Variants in ACOT11 observed in about 807,000 individuals in gnomAD.
The protein encoded by ACOT11 is acyl-coenzyme A thioesterase 11.
ACOT11 carries 69 observed loss-of-function variants against 77.5 expected under a neutral mutation model. The observed-to-expected ratio is 0.89, with a 90% CI of 0.73 to 1.09. ACOT11 has a LOEUF of 1.09. Ranked by LOEUF, ACOT11 falls within the 50% of genes least tolerant of loss-of-function variation. The pLI is 0.00. For missense variants in ACOT11, 766 were observed against 813.7 expected (o/e 0.94, Z 0.71); for synonymous variants, 279 against 313.0 (o/e 0.89, Z 1.15).
At chr1:54,574,310 C>T (rs1347457665) in intron 1 of ACOT11, among the ~76,000 whole-genome samples, 1 of 152,210 alleles carries the variant, frequency 6.6e-6, no homozygotes, top group East Asian at 1.9e-4. Context: ...CAGGGTCAGA[C>T]TCTGCTCACA....
chr1:54,623,271 C>CACCT, intron 15 of ACOT11: 1 of 1,606,360 alleles, frequency 6.2e-7, no homozygotes, highest in Non-Finnish European at 8.5e-7. Flanking sequence ...TGGGGGGAGG[C>CACCT]ACCTACCTGG....
intron 1 of ACOT11, among the ~76,000 whole-genome samples, chr1:54,562,918 C>A (rs1653592004): frequency 7.0e-6 from 1 of 141,982 alleles, no homozygotes; most frequent in Non-Finnish European, 1.5e-5. Context: ...TCCTCACTTT[C>A]CAGAGTGGGC....
In ACOT11 at chr1:54,584,732, C is replaced by T. The variant is rs6663891; in HGVS notation, c.111C>T (p.Asp37=). The T allele has an allele frequency of 2.0e-3, 3,283 of 1,614,134 alleles. 38 individuals are homozygous for T. In the African/African-American group the frequency reaches 0.028, roughly 14 times the overall value. ...CGGGGAACGACAGTGCCATGGCAGA[C>T]GGCGAGGGATACCGGAACCCCACGG... is the stretch of plus-strand genomic sequence containing the variant. ...LRAGNDSAMA[D]GEGYRNPTEV... is the part of the protein sequence containing the mutation. The change falls in exon 2 of 16, where the codon GAC becomes GAT. Residue 37 remains aspartate, a synonymous_variant. Transcript: ENST00000343744. This position sits in a 1 kb window ranked among gnomAD's most constrained non-coding sequence, Gnocchi z 6.3.
At chr1:54,576,397 T>C (rs1044856670) in intron 1 of ACOT11, among the ~76,000 whole-genome samples, 1 of 147,242 alleles carries the variant, frequency 6.8e-6, no homozygotes. Context: ...CTCTGGAGGC[T>C]GAGGTGGGAG....
intron 8 of ACOT11, among the ~76,000 whole-genome samples, chr1:54,600,743 C>T (rs889511540): frequency 6.6e-6 from 1 of 152,188 alleles, no homozygotes; most frequent in Non-Finnish European, 1.5e-5. Context: ...AGCAACTGAG[C>T]TGTTTGAAGC....
intron 1 of ACOT11, among the ~76,000 whole-genome samples, chr1:54,549,001 C>T (rs1183184105): frequency 6.6e-6 from 1 of 152,130 alleles, no homozygotes; most frequent in African/African-American, 2.4e-5. Flanking sequence ...GACAGACTGG[C>T]AGAGGTTGTA....
In ACOT11 at chr1:54,609,709, C is replaced by A. The variant is rs1184091304; in HGVS notation, c.*597C>A. Reference sequence around the variant, plus strand: ...AGATTTTGGCCCCAACCCACACAGGCCAATGCAAGAGGCCAAGGCTGGAGA... The same window carrying A: ...AGATTTTGGCCCCAACCCACACAGGACAATGCAAGAGGCCAAGGCTGGAGA... On this transcript the variant is annotated 3_prime_UTR_variant, in exon 16 of 16. Coordinates refer to ENST00000343744, the MANE Select transcript of ACOT11 (RefSeq NM_147161.4). 5 of 1,613,968 alleles carry A rather than the reference C, an allele frequency of 3.1e-6. No individual in the cohort carries two copies. Among genetic ancestry groups the A allele is most frequent in the Non-Finnish European group, 4.2e-6 (5 of 1,180,012 alleles).
chr1:54,636,699 C>T (rs1644332592), exon 17 of ACOT11: 1 of 150,752 alleles, frequency 6.6e-6, no homozygotes, highest in Non-Finnish European at 1.5e-5. Context: ...CAGGTCTTTC[C>T]CTTCCCACGA....
chr1:54,603,103 G>A (rs1414374330), intron 10 of ACOT11, among the ~76,000 whole-genome samples: 1 of 152,210 alleles, frequency 6.6e-6, no homozygotes, highest in Non-Finnish European at 1.5e-5. Flanking sequence ...TTGGGAGGCC[G>A]AGGCAGGCAG....
intron 15 of ACOT11, chr1:54,616,005 C>T (rs1557671924): frequency 6.2e-7 from 1 of 1,612,668 alleles, no homozygotes; most frequent in Admixed American, 1.7e-5. Flanking sequence ...AGAGGGTTTC[C>T]AGAGAGGCCC....
chr1:54,552,830 G>GTT (rs199905803), intron 1 of ACOT11, among the ~76,000 whole-genome samples: 13 of 132,284 alleles, frequency 9.8e-5, no homozygotes, highest in African/African-American at 2.6e-4. Flanking sequence ...TTTTTGTTTT[G>GTT]TTTTTTTTTT....
At chr1:54,580,008 T>C (rs545810596) in intron 1 of ACOT11, among the ~76,000 whole-genome samples, 2 of 152,346 alleles carry the variant, frequency 1.3e-5, no homozygotes, top group Admixed American at 1.3e-4. Flanking sequence ...ACTCAATACA[T>C]GTTAGCCACA....
At position 54,597,550 on chromosome 1, in the gene ACOT11, G is replaced by T. The variant is rs183081533; in HGVS notation, c.764+135G>T. 8.4e-6 allele frequency: 10 copies of T among 1,186,340 alleles called. No homozygotes were observed. The East Asian group carries it at 1.3e-4, about 15-fold the overall frequency. The allele number at this position is 1,186,340 out of a possible 1,614,324, so 73.5% of individuals were successfully genotyped here. A position where few individuals can be genotyped will look rare whatever the true frequency, so the allele number is the denominator to read the frequency against. ...AGAAGCTTGGCTGTTCTGAATCAGAGAAATGAATTTTTGTGAACTGACCAT... is the reference window on the plus strand; with the variant it reads ...AGAAGCTTGGCTGTTCTGAATCAGATAAATGAATTTTTGTGAACTGACCAT... On this transcript the variant is annotated intron_variant, in intron 7 of 15. Transcript: ENST00000343744.
At chr1:54,599,218 ATAT>A (rs1643933955) in intron 7 of ACOT11, 75 bp from the exon 8 acceptor site, 1 of 93,164 alleles carries the variant, frequency 1.1e-5, no homozygotes, top group African/African-American at 7.9e-5. Flanking sequence ...ATATATATAT[ATAT>A]ATAAAAATCT....
chr1:54,610,365 C>T (rs2101013114), downstream of ACOT11: 1 of 1,599,440 alleles, frequency 6.3e-7, no homozygotes, highest in East Asian at 2.2e-5. Context: ...GCAAAGGACA[C>T]CCCTGCAGAT....
chr1:54,631,401 T>G (rs1644299133), intron 16 of ACOT11, among the ~76,000 whole-genome samples: 1 of 152,222 alleles, frequency 6.6e-6, no homozygotes, highest in Non-Finnish European at 1.5e-5. Context: ...CTTTAGTAAT[T>G]GGACTGTTAA....
intron 15 of ACOT11, among the ~76,000 whole-genome samples, chr1:54,616,371 GT>G (rs879271475): frequency 3.8e-4 from 57 of 148,190 alleles, no homozygotes; most frequent in African/African-American, 8.6e-4. Flanking sequence ...ATAGGTTTTT[GT>G]TTTTTTTTTG....
At chr1:54,582,008 C>T (rs1190773810) in intron 1 of ACOT11, among the ~76,000 whole-genome samples, 1 of 152,234 alleles carries the variant, frequency 6.6e-6, no homozygotes, top group East Asian at 1.9e-4. Flanking sequence ...GCCTGTGCTC[C>T]AGCCCACGGC....
intron 15 of ACOT11, among the ~76,000 whole-genome samples, chr1:54,624,179 G>A (rs996527570): frequency 1.3e-5 from 2 of 152,136 alleles, no homozygotes; most frequent in African/African-American, 2.4e-5. Flanking sequence ...GAATTTAAAC[G>A]AGTCCAGGAA....
Sources: allele counts gnomAD v4.1 joint callset (sites outside exome capture counted in the v4.1 genomes callset), GRCh38; gene constraint gnomAD v4.1.1; non-coding constraint Gnocchi (gnomAD v3.1); transcripts MANE v1.5; gene names NCBI Gene and HGNC (gene_info 2026-07-23, HGNC 2026-07-21).